The following SMG7 variants were observed in gnomAD, a reference collection of about 807,000 sequenced individuals.
SMG7 encodes the protein nonsense-mediated mRNA decay factor SMG7.
SMG7 carries 34 observed loss-of-function variants against 148.2 expected under a neutral mutation model. The ratio of observed to expected loss-of-function variants is 0.23; its 90% CI spans 0.17 to 0.31. The LOEUF (loss-of-function observed/expected upper bound fraction) is 0.31. Ranked by LOEUF, SMG7 falls within the 10% of genes least tolerant of loss-of-function variation. The pLI, the probability that SMG7 is intolerant of heterozygous loss-of-function variation, is 1.00. For missense variants in SMG7, 1,114 were observed against 1,408.4 expected (o/e 0.79, Z 3.35); for synonymous variants, 492 against 515.1 (o/e 0.96, Z 0.61).
chr1:183,496,806 A>G lies in SMG7; in HGVS notation c.30-16031A>G, dbSNP rs116844976. On this transcript the variant is annotated intron_variant, in intron 1 of 22. Coordinates refer to ENST00000688051, the MANE Select transcript of SMG7 (RefSeq NM_001375584.1). ...TGGGCCACACATAAAATATGCTAAC[A>G]CTAATGATAGCTGATGAGCTTTTAA... 4.9e-4 allele frequency among the ~76,000 whole-genome samples: 75 copies of G among 152,336 alleles called. 1 individual carries two copies. The East Asian group carries it at 0.014, about 28-fold the overall frequency.
chr1:183,531,256 C>A (rs946796334), intron 8 of SMG7, among the ~76,000 whole-genome samples: 1 of 152,074 alleles, frequency 6.6e-6, no homozygotes, highest in Non-Finnish European at 1.5e-5. Flanking sequence ...GAAATGTTTA[C>A]CAAGTTGAGG....
intron 1 of SMG7, chr1:183,472,894 G>C: frequency 2.5e-6 from 1 of 399,704 alleles, no homozygotes; most frequent in Non-Finnish European, 4.4e-6. Context: ...GGGAGGTTGG[G>C]GAAGCGTGAG....
At chr1:183,513,832 C>G (rs565248829) in intron 2 of SMG7, among the ~76,000 whole-genome samples, 1 of 151,926 alleles carries the variant, frequency 6.6e-6, no homozygotes, top group South Asian at 2.1e-4. Context: ...GAGTTCGAGA[C>G]CAGTCTGGCC....
chr1:183,488,903 C>T (rs903299610), intron 1 of SMG7, among the ~76,000 whole-genome samples: 1 of 152,048 alleles, frequency 6.6e-6, no homozygotes, highest in East Asian at 1.9e-4. Context: ...AGGCAGGTCT[C>T]GAACTTCTGA....
intron 8 of SMG7, among the ~76,000 whole-genome samples, chr1:183,531,298 G>A (rs1157494544): frequency 5.9e-5 from 9 of 152,110 alleles, no homozygotes; most frequent in Non-Finnish European, 8.8e-5. Context: ...TGGGATCTGG[G>A]AATTGAGATG....
chr1:183,523,393 C>G (rs1665179096), intron 4 of SMG7, among the ~76,000 whole-genome samples: 1 of 152,046 alleles, frequency 6.6e-6, no homozygotes, highest in Admixed American at 6.6e-5. Flanking sequence ...TTGACAAATG[C>G]TTATAGGTTC....
Position 183,517,816 on chromosome 1 carries a change from C to G in SMG7, c.308C>G (p.Thr103Ser). The change falls in exon 4 of 23, where the codon ACT (threonine) becomes AGT (serine). Residue 103 changes from threonine (T) to serine (S), a missense_variant. Transcript: ENST00000688051. ...LFLEAASGFY[T>S]QLLQELCTVF... ...CTAGAGGCAGCTAGTGGCTTCTATA[C>G]TCAGGTGAGTTCTGCATTGTATACC... is the stretch of plus-strand genomic sequence containing the variant. The G allele has an allele frequency of 6.2e-7, 1 of 1,614,080 alleles. No individual in the cohort carries two copies. Among genetic ancestry groups the G allele is most frequent in the South Asian group, 1.1e-5 (1 of 91,084 alleles).
intron 15 of SMG7, 121 bp from the exon 16 acceptor site, chr1:183,544,809 A>T: frequency 9.8e-7 from 1 of 1,015,722 alleles, no homozygotes; most frequent in South Asian, 1.6e-5. Context: ...TGACAACATG[A>T]CTAATCTCTT....
At chr1:183,472,766 C>T (rs1305609543) in intron 1 of SMG7, 117 bp downstream of exon 1, 4 of 961,802 alleles carry the variant, frequency 4.2e-6, no homozygotes, top group African/African-American at 3.4e-5. Context: ...CTCTCCTCGC[C>T]GGGCAGGTCG....
At position 183,504,664 on chromosome 1, in the gene SMG7, A is replaced by AT. The variant is rs1288188076; in HGVS notation, c.30-8169dup. Among the ~76,000 whole-genome samples, 5 of 151,964 alleles carry AT rather than the reference A, an allele frequency of 3.3e-5. No homozygotes were observed. The East Asian group carries it at 9.6e-4, about 29-fold the overall frequency. ...AATATATTTTTGTATTAATTTTTCA[A>AT]TTTTGTCTAGTCCACATGGCTCTTA... On this transcript the variant is annotated intron_variant, in intron 1 of 22. Coordinates refer to ENST00000688051, the MANE Select transcript of SMG7 (RefSeq NM_001375584.1).
chr1:183,506,875 CTTTTTTTTTTTT>C, intron 1 of SMG7, among the ~76,000 whole-genome samples: 1 of 111,826 alleles, frequency 8.9e-6, no homozygotes, highest in East Asian at 2.6e-4. Flanking sequence ...ACTATATATT[CTTTTTTTTTTTT>C]TTTTTTTTGG....
intron 6 of SMG7, among the ~76,000 whole-genome samples, chr1:183,528,308 T>C (rs1487289292): frequency 6.6e-6 from 1 of 152,170 alleles, no homozygotes; most frequent in Non-Finnish European, 1.5e-5. Flanking sequence ...TCTACAACTC[T>C]GGCTTCCTTA....
chr1:183,533,538 A>C, intron 9 of SMG7, 138 bp from the exon 10 acceptor site: 1 of 892,226 alleles, frequency 1.1e-6, no homozygotes, highest in Non-Finnish European at 1.7e-6. Flanking sequence ...TTAATATGGG[A>C]AAGAAAGCGT....
At chr1:183,494,439 T>C (rs1657892011) in intron 1 of SMG7, among the ~76,000 whole-genome samples, 1 of 151,220 alleles carries the variant, frequency 6.6e-6, no homozygotes, top group Non-Finnish European at 1.5e-5. Flanking sequence ...AGTTATTTTA[T>C]ATTTACTCAT....
intron 1 of SMG7, among the ~76,000 whole-genome samples, chr1:183,482,941 G>A (rs1031724457): frequency 6.6e-6 from 1 of 152,174 alleles, no homozygotes; most frequent in Non-Finnish European, 1.5e-5. Context: ...AAGTTCTACA[G>A]CATTAGGGGG....
chr1:183,552,728 C>G lies in SMG7; in HGVS notation c.*797C>G. The G allele has an allele frequency of 7.6e-7, 1 of 1,319,464 alleles. No homozygotes were observed. The highest frequency in any genetic ancestry group is 1.9e-5 in the South Asian group (1 of 53,624). The allele number at this position is 1,319,464 out of a possible 1,614,324, so 81.7% of individuals were successfully genotyped here. Reference sequence around the variant, plus strand: ...TAGACTGCTGTAGGATTTCAAATTACGTTTTTGATTCCTGTACATTTTACA... The same window carrying G: ...TAGACTGCTGTAGGATTTCAAATTAGGTTTTTGATTCCTGTACATTTTACA... On this transcript the variant is annotated 3_prime_UTR_variant, in exon 23 of 23. Transcript: ENST00000688051.
chr1:183,544,950 G>T lies in SMG7; in HGVS notation c.2008G>T (p.Val670Phe), dbSNP rs1355045358. The change falls in exon 16 of 23, where the codon GTT becomes TTT. Residue 670 changes from valine to phenylalanine, a missense_variant. Val to Phe is a conservative substitution (Grantham distance 50). Around this residue, in one of 4 missense-constraint regions of SMG7, gnomAD observed 788 missense variants for 894.5 expected, o/e 0.88. Transcript: ENST00000688051. ...SRPGFPPPTYVIPPPVAFSMG... is the reference protein window; with the variant it reads ...SRPGFPPPTYFIPPPVAFSMG... ...TGAAGGGTTTCCGCCCCCAACATAT[G>T]TTATCCCCCCGCCTGTGGCATTTTC... 1 of 1,613,440 alleles carries T rather than the reference G, an allele frequency of 6.2e-7. No individual in the cohort carries two copies. The highest frequency in any genetic ancestry group is 8.5e-7 in the Non-Finnish European group (1 of 1,179,674).
chr1:183,544,066 C>T (rs1669456416), intron 14 of SMG7, among the ~76,000 whole-genome samples: 1 of 152,138 alleles, frequency 6.6e-6, no homozygotes, highest in Admixed American at 6.5e-5. Flanking sequence ...TAGCATCAGG[C>T]ATCTCATTTG....
At chr1:183,481,445 C>CT (rs1028760015) in intron 1 of SMG7, among the ~76,000 whole-genome samples, 7 of 152,224 alleles carry the variant, frequency 4.6e-5, no homozygotes, top group South Asian at 2.1e-4. Context: ...GTAATGATCT[C>CT]TTTTTTTATA....
Sources: gnomAD v4.1 joint callset for allele counts (sites outside exome capture counted in the v4.1 genomes callset) on GRCh38, gnomAD v4.1.1 for gene constraint, gnomAD v4.1.1 regional missense constraint, MANE v1.5 for transcripts, NCBI Gene and HGNC (gene_info 2026-07-23, HGNC 2026-07-21) for gene names.